NPLOC4: variants seen among roughly 807,000 people sequenced by gnomAD.
The protein encoded by NPLOC4 is nuclear protein localization protein 4 homolog.
NPLOC4 carries 18 observed loss-of-function variants against 80.6 expected under a neutral mutation model. The ratio of observed to expected loss-of-function variants is 0.22; its 90% CI spans 0.15 to 0.33. The LOEUF (loss-of-function observed/expected upper bound fraction) is 0.33. Among genes scored for constraint, NPLOC4 ranks in the 10% least tolerant of loss-of-function variants. The pLI is 1.00. For synonymous variants in NPLOC4, 313 were observed against 301.5 expected, an observed-to-expected ratio of 1.04 and a Z score of -0.39; for missense variants, 540 against 786.1, an observed-to-expected ratio of 0.69 and a Z score of 3.74.
intron 16 of NPLOC4, chr17:81,564,703 G>A (rs9909330): frequency 0.15 from 22,450 of 150,562 alleles, 2,000 homozygotes; most frequent in Admixed American, 0.24. Flanking sequence ...CAGGAGAATC[G>A]TTTGAACCCA....
chr17:81,613,547 T>A (rs575301871), intron 3 of NPLOC4, 53 bp from the exon 4 acceptor site: 5 of 1,540,898 alleles, frequency 3.2e-6, no homozygotes, highest in Non-Finnish European at 4.4e-6. Flanking sequence ...CTGAGCTTCA[T>A]GGAAGCCCAA....
intron 11 of NPLOC4, among the ~76,000 whole-genome samples, chr17:81,589,630 C>G (rs912719025): frequency 6.6e-6 from 1 of 151,866 alleles, no homozygotes; most frequent in Non-Finnish European, 1.5e-5. Context: ...CAGCTCCGCA[C>G]ACACTTGGCT....
Position 81,588,958 on chromosome 17 carries a change from C to G in NPLOC4, c.1267G>C (p.Asp423His). ...CATACTTTTACCTTATAAAACACAT[C>G]AGGCACGTACTGCTCACTGCTAGAC... ...KESSSEQYVP[D>H]VFYKDVDKFG... Residue 423 changes from aspartate to histidine, a missense_variant, in exon 12 of 17, where the codon GAT becomes CAT. By Grantham distance (81) the Asp-to-His change is moderately conservative. Coordinates refer to ENST00000331134, the MANE Select transcript of NPLOC4 (RefSeq NM_017921.4). 6.2e-7 allele frequency: 1 copy of G among 1,612,334 alleles called. No individual in the cohort carries two copies. Among genetic ancestry groups the G allele is most frequent in the Admixed American group, 1.7e-5 (1 of 59,572 alleles).
chr17:81,627,282 C>A (rs751456343), intron 2 of NPLOC4, among the ~76,000 whole-genome samples: 1 of 151,662 alleles, frequency 6.6e-6, no homozygotes, highest in African/African-American at 2.4e-5. Context: ...GTCCCAGCTA[C>A]TCGGGAGGCT....
At chr17:81,613,902 G>C (rs2035406288) in intron 3 of NPLOC4, among the ~76,000 whole-genome samples, 1 of 151,860 alleles carries the variant, frequency 6.6e-6, no homozygotes, top group African/African-American at 2.4e-5. Flanking sequence ...GCATGTGCTG[G>C]TTGCATGTAT....
chr17:81,572,487 G>A lies in NPLOC4; in HGVS notation c.1282-399C>T, dbSNP rs576385329. ...ATTACAGGCGTGAGCCACCGCGTCCGGCCTTCACTTTTTAAATTACTTCAA... is the reference window on the plus strand; with the variant it reads ...ATTACAGGCGTGAGCCACCGCGTCCAGCCTTCACTTTTTAAATTACTTCAA... On this transcript the variant is annotated intron_variant, in intron 12 of 16. Transcript: ENST00000331134. The surrounding 1 kb of genome is among the most constrained non-coding windows in gnomAD (Gnocchi z 4.5). 1.7e-4 allele frequency among the ~76,000 whole-genome samples: 26 copies of A among 152,280 alleles called. No individual in the cohort carries two copies. Among genetic ancestry groups the A allele is most frequent in the Admixed American group, 4.6e-4 (7 of 15,294 alleles).
At chr17:81,630,851 T>C (rs2035909860) in intron 1 of NPLOC4, among the ~76,000 whole-genome samples, 1 of 150,888 alleles carries the variant, frequency 6.6e-6, no homozygotes, top group African/African-American at 2.4e-5. Flanking sequence ...CACTCCAGCA[T>C]TGGTGACAAA....
intron 11 of NPLOC4, among the ~76,000 whole-genome samples, chr17:81,591,376 G>A (rs976973797): frequency 2.8e-5 from 4 of 141,730 alleles, no homozygotes; most frequent in East Asian, 2.2e-4. Flanking sequence ...CAGAGGCTGC[G>A]ATGAGCTGAG....
Position 81,567,401 on chromosome 17 carries a change from A to G in NPLOC4, c.1566+16T>C, listed in dbSNP as rs1395840530. ...AAGCCCACTTGCTCAAGTGGACACCACACTTGGACACGCACCTGCAGAGGC... is the reference window on the plus strand; with the variant it reads ...AAGCCCACTTGCTCAAGTGGACACCGCACTTGGACACGCACCTGCAGAGGC... On this transcript the variant is annotated intron_variant, in intron 15 of 16. Transcript: ENST00000331134. This position sits in a 1 kb window ranked among gnomAD's most constrained non-coding sequence, Gnocchi z 4.5. 1.3e-6 allele frequency: 2 copies of G among 1,526,484 alleles called. No homozygotes were observed. The highest frequency in any genetic ancestry group is 1.8e-6 in the Non-Finnish European group (2 of 1,102,424). The allele number at this position is 1,526,484 out of a possible 1,614,324, so 94.6% of individuals were successfully genotyped here.
At chr17:81,631,421 C>CATATAT (rs1415379403) in intron 1 of NPLOC4, among the ~76,000 whole-genome samples, 3 of 49,438 alleles carry the variant, frequency 6.1e-5, no homozygotes, top group African/African-American at 3.4e-4. Flanking sequence ...TTAAAGTGTA[C>CATATAT]ATATATATAT....
At chr17:81,610,813 G>A (rs113036580) in intron 4 of NPLOC4, among the ~76,000 whole-genome samples, 1 of 87,624 alleles carries the variant, frequency 1.1e-5, no homozygotes, top group African/African-American at 3.5e-5. Flanking sequence ...TTAGCCGGGC[G>A]CGGTGGCGGG....
chr17:81,629,874 A>C, intron 1 of NPLOC4, 69 bp from the exon 2 acceptor site: 1 of 1,165,738 alleles, frequency 8.6e-7, no homozygotes, highest in Non-Finnish European at 1.3e-6. Context: ...TACGGCTTCC[A>C]TCTGTGGTCT....
rs375389977 is a variant in NPLOC4, at chr17:81,634,903, C to G, written c.15+2013G>C. Among the ~76,000 whole-genome samples the G allele has an allele frequency of 5.0e-3, 764 of 152,114 alleles. 5 individuals are homozygous for G. Among genetic ancestry groups the G allele is most frequent in the South Asian group, 0.031 (150 of 4,816 alleles). On this transcript the variant is annotated intron_variant, in intron 1 of 16. Transcript: ENST00000331134. ...GCCACATTTTATTTTTCAAAGGAGT[C>G]AAAGGTTTCTTGGCCGGGCATGGTA...
In NPLOC4 at chr17:81,559,071, G is replaced by A. The variant is rs764351486; in HGVS notation, c.*188C>T. The A allele has an allele frequency of 1.3e-4, 83 of 619,156 alleles. No individual in the cohort carries two copies. The highest frequency in any genetic ancestry group is 2.3e-4 in the East Asian group (8 of 34,350). 38.4% of individuals were successfully genotyped at this position (619,156 alleles called of 1,614,324 possible). On this transcript the variant is annotated 3_prime_UTR_variant, in exon 17 of 17. Coordinates refer to ENST00000331134, the MANE Select transcript of NPLOC4 (RefSeq NM_017921.4). Reference sequence around the variant, plus strand: ...GCATTCAGCCTGCAGAATACCAGCCGTGGCGCCCGCTCTCCAGGGAGGAAC... The same window carrying A: ...GCATTCAGCCTGCAGAATACCAGCCATGGCGCCCGCTCTCCAGGGAGGAAC...
intron 2 of NPLOC4, among the ~76,000 whole-genome samples, chr17:81,626,382 A>C (rs1270965356): frequency 2.0e-5 from 3 of 152,164 alleles, no homozygotes; most frequent in East Asian, 1.9e-4. Flanking sequence ...GAAAACCCCA[A>C]AATTTAATGA....
chr17:81,589,462 C>T (rs999284468), intron 11 of NPLOC4, among the ~76,000 whole-genome samples: 1 of 150,842 alleles, frequency 6.6e-6, no homozygotes, highest in Non-Finnish European at 1.5e-5. Flanking sequence ...GGCGTGAACC[C>T]GGGAGGTGGA....
intron 2 of NPLOC4, among the ~76,000 whole-genome samples, chr17:81,626,471 C>T (rs1394785494): frequency 6.6e-6 from 1 of 152,144 alleles, no homozygotes; most frequent in East Asian, 1.9e-4. Flanking sequence ...GCAAGGCACA[C>T]CAGAGTCACC....
At chr17:81,617,815 C>A (rs984938363) in intron 3 of NPLOC4, among the ~76,000 whole-genome samples, 8 of 152,196 alleles carry the variant, frequency 5.3e-5, no homozygotes, top group Non-Finnish European at 1.2e-4. Flanking sequence ...CGCGCCGCCA[C>A]GCCTGACTGG....
At chr17:81,597,104 C>T in intron 10 of NPLOC4, 141 bp downstream of exon 10, 1 of 611,974 alleles carries the variant, frequency 1.6e-6, no homozygotes, top group East Asian at 3.0e-5. Context: ...AAGAGCAAGA[C>T]TCCGTCTCAA....
Sources: gnomAD v4.1 joint callset for allele counts (sites outside exome capture counted in the v4.1 genomes callset) on GRCh38, gnomAD v4.1.1 for gene constraint, Gnocchi (gnomAD v3.1) non-coding constraint, MANE v1.5 for transcripts, NCBI Gene and HGNC (gene_info 2026-07-23, HGNC 2026-07-21) for gene names.